BAZ1A: variants seen among roughly 807,000 people sequenced by gnomAD.
The protein encoded by BAZ1A is bromodomain adjacent to zinc finger domain protein 1A.
BAZ1A carries 50 observed loss-of-function variants against 185.2 expected under a neutral mutation model. The observed-to-expected ratio is 0.27, with a 90% CI of 0.22 to 0.34. The LOEUF (loss-of-function observed/expected upper bound fraction) is 0.34, where lower values mean the gene tolerates loss of function less well. Ranked by LOEUF, BAZ1A falls within the 10% of genes least tolerant of loss-of-function variation. The probability of loss-of-function intolerance (pLI) is 1.00; values close to 1 mark genes in which losing one functional copy is unlikely to be tolerated. For synonymous variants in BAZ1A, 571 were observed against 615.6 expected, an observed-to-expected ratio of 0.93 and a Z score of 1.07; for missense variants, 1,356 against 1,839.9, an observed-to-expected ratio of 0.74 and a Z score of 4.81.
At chr14:34,766,956 C>G (rs1878886675) in intron 21 of BAZ1A, among the ~76,000 whole-genome samples, 1 of 152,054 alleles carries the variant, frequency 6.6e-6, no homozygotes, top group African/African-American at 2.4e-5. Context: ...ATATGAATAA[C>G]CAGGCAGTTT....
intron 4 of BAZ1A, among the ~76,000 whole-genome samples, chr14:34,814,352 T>G (rs977974967): frequency 6.6e-6 from 1 of 152,046 alleles, no homozygotes; most frequent in African/African-American, 2.4e-5. Flanking sequence ...TCCCCCACAT[T>G]TTAGTGAATT....
chr14:34,784,675 G>A (rs867134277), intron 14 of BAZ1A, among the ~76,000 whole-genome samples: 5 of 150,306 alleles, frequency 3.3e-5, no homozygotes, highest in South Asian at 2.1e-4. Context: ...CCGCCACCAC[G>A]CCTAGCTAAT....
chr14:34,853,700 T>G (rs1236676150), intron 3 of BAZ1A, among the ~76,000 whole-genome samples: 1 of 152,152 alleles, frequency 6.6e-6, no homozygotes, highest in Non-Finnish European at 1.5e-5. Flanking sequence ...GGCAGGAGAA[T>G]TGCTTGAACC....
At chr14:34,863,318 C>G (rs1385054164) in intron 2 of BAZ1A, among the ~76,000 whole-genome samples, 1 of 151,758 alleles carries the variant, frequency 6.6e-6, no homozygotes, top group African/African-American at 2.4e-5. Context: ...CATGTGCCAC[C>G]ACGCCCGGCT....
At chr14:34,847,595 C>T (rs2042535156) in intron 3 of BAZ1A, among the ~76,000 whole-genome samples, 1 of 152,124 alleles carries the variant, frequency 6.6e-6, no homozygotes, top group Non-Finnish European at 1.5e-5. Flanking sequence ...CCCACATGTA[C>T]CCAATCACTG....
chr14:34,840,813 T>C (rs2042403323), intron 3 of BAZ1A, among the ~76,000 whole-genome samples: 1 of 152,072 alleles, frequency 6.6e-6, no homozygotes, highest in Non-Finnish European at 1.5e-5. Flanking sequence ...CTTATACTTA[T>C]TACTCCCTTC....
intron 12 of BAZ1A, among the ~76,000 whole-genome samples, chr14:34,787,363 A>AAAAAAAAAAAAAAAAAAGAAAAG (rs775338809): frequency 8.9e-6 from 1 of 112,796 alleles, no homozygotes; most frequent in African/African-American, 3.4e-5. Flanking sequence ...AAAAAAAAAA[A>AAAAAAAAAAAAAAAAAAGAAAAG]AAAAAGAAAA....
rs931821191 is a variant in BAZ1A at position 34,874,786 on chromosome 14, C to G, written c.-58-124G>C. On this transcript the variant is annotated intron_variant, in intron 1 of 26. Coordinates refer to ENST00000360310, the MANE Select transcript of BAZ1A (RefSeq NM_013448.3). The surrounding 1 kb of genome is among the most constrained non-coding windows in gnomAD (Gnocchi z 4.7). ...TGTGACTGACGCGCCGCGGCCGCTACCGGAGCCGAGTTCGTTCCTGCCGCT... is the reference window on the plus strand; with the variant it reads ...TGTGACTGACGCGCCGCGGCCGCTAGCGGAGCCGAGTTCGTTCCTGCCGCT... 7.7e-6 allele frequency: 4 copies of G among 522,854 alleles called. No homozygotes were observed. Among genetic ancestry groups the G allele is most frequent in the South Asian group, 4.9e-5 (2 of 40,554 alleles). 32.4% of individuals were successfully genotyped at this position (522,854 alleles called of 1,614,324 possible).
intron 21 of BAZ1A, among the ~76,000 whole-genome samples, chr14:34,766,678 C>CA (rs1337420306): frequency 6.6e-6 from 1 of 151,884 alleles, no homozygotes; most frequent in Middle Eastern, 3.2e-3. Context: ...GTTTAAAACC[C>CA]AAAAAAACAT....
rs1432309546 is a variant in BAZ1A at position 34,875,351 on chromosome 14, G to C, written c.-272C>G. The C allele has an allele frequency of 2.2e-6, 1 of 455,916 alleles. No homozygotes were observed. Among genetic ancestry groups the C allele is most frequent in the Non-Finnish European group, 4.4e-6 (1 of 226,802 alleles). The allele number at this position is 455,916 out of a possible 1,614,324, so 28.2% of individuals were successfully genotyped here. ...CCTGGGAAGTTTCTGATCTACTTTC[G>C]GCTCTGAAGGAGGAAGAGCTGTTGG... On this transcript the variant is annotated 5_prime_UTR_variant, in exon 1 of 27. Coordinates refer to ENST00000360310, the MANE Select transcript of BAZ1A (RefSeq NM_013448.3).
intron 15 of BAZ1A, 57 bp from the exon 16 acceptor site, chr14:34,783,289 T>C: frequency 9.7e-7 from 1 of 1,028,224 alleles, no homozygotes; most frequent in Admixed American, 2.2e-5. Flanking sequence ...ATTTCACTTT[T>C]AGCATCTTGT....
chr14:34,810,110 G>A (rs1002677806), intron 5 of BAZ1A, among the ~76,000 whole-genome samples: 17 of 151,998 alleles, frequency 1.1e-4, no homozygotes, highest in Admixed American at 6.6e-4. Context: ...TATCACTTTC[G>A]TTTGGATACA....
In BAZ1A at chr14:34,866,501, A is replaced by AG. The variant is rs1200719039; in HGVS notation, c.114-4180_114-4179insC. ...AAACAATATCTCAAAAAAAAAAAAA[A>AG]AGAAAAAAGTTCTAACTTTTTCCTA... On this transcript the variant is annotated intron_variant, in intron 2 of 26. Transcript: ENST00000360310. 1.1e-3 allele frequency among the ~76,000 whole-genome samples: 158 copies of AG among 147,978 alleles called. 10 individuals are homozygous for AG. In the Middle Eastern group the frequency reaches 0.014, roughly 13 times the overall value.
intron 4 of BAZ1A, among the ~76,000 whole-genome samples, chr14:34,817,337 C>T (rs959833164): frequency 3.9e-5 from 6 of 152,120 alleles, no homozygotes; most frequent in African/African-American, 7.2e-5. Flanking sequence ...CCTGTAATCT[C>T]GGCACTTTGA....
chr14:34,785,767 C>T lies in BAZ1A; in HGVS notation c.1831+10G>A, dbSNP rs1207659024. 6 of 1,612,922 alleles carry T rather than the reference C, an allele frequency of 3.7e-6. No homozygotes were observed. The East Asian group carries it at 1.3e-4, about 36-fold the overall frequency. On this transcript the variant is annotated intron_variant, in intron 14 of 26. Coordinates refer to ENST00000360310, the MANE Select transcript of BAZ1A (RefSeq NM_013448.3). ...GGCAGGTTATGCAAATTCCAACTTG[C>T]AAAGCTTACCTGGTGTCAAATCATA... is the stretch of plus-strand genomic sequence containing the variant.
rs546192707 is a variant in BAZ1A, at chr14:34,778,319, T to A, written c.2237-1804A>T. On this transcript the variant is annotated intron_variant, in intron 17 of 26. Transcript: ENST00000360310. Reference sequence around the variant, plus strand: ...CCTAAGGATGGCAGTACCAACAAGATAGAAAGAGCTTGGACCCCTGATAAT... The same window carrying A: ...CCTAAGGATGGCAGTACCAACAAGAAAGAAAGAGCTTGGACCCCTGATAAT... Among the ~76,000 whole-genome samples, 10 of 152,326 alleles carry A rather than the reference T, an allele frequency of 6.6e-5. No individual in the cohort carries two copies. The East Asian group carries it at 1.7e-3, about 26-fold the overall frequency.
intron 3 of BAZ1A, among the ~76,000 whole-genome samples, chr14:34,855,177 A>G (rs77368305): frequency 0.16 from 23,813 of 152,160 alleles, 2,121 homozygotes; most frequent in Admixed American, 0.28. Context: ...TTCTCTGTAC[A>G]TGGTTAACTA....
intron 12 of BAZ1A, 128 bp downstream of exon 12, chr14:34,792,647 A>G (rs1408011981): frequency 4.6e-6 from 5 of 1,096,182 alleles, no homozygotes; most frequent in Non-Finnish European, 6.5e-6. Context: ...CATATGATTC[A>G]ACATCAGGTA....
intron 3 of BAZ1A, among the ~76,000 whole-genome samples, chr14:34,846,474 T>A (rs2042513850): frequency 6.6e-6 from 1 of 152,336 alleles, no homozygotes; most frequent in East Asian, 1.9e-4. Flanking sequence ...GAAATTTGTA[T>A]GGTAAGTCTA....
Sources: allele counts gnomAD v4.1 joint callset (sites outside exome capture counted in the v4.1 genomes callset), GRCh38; gene constraint gnomAD v4.1.1; non-coding constraint Gnocchi (gnomAD v3.1); transcripts MANE v1.5; gene names NCBI Gene and HGNC (gene_info 2026-07-23, HGNC 2026-07-21).